Variants in USP6NL observed in about 807,000 individuals in gnomAD.
USP6NL encodes the protein USP6 N-terminal like.
USP6NL carries 26 observed loss-of-function variants against 61.9 expected under a neutral mutation model. The ratio of observed to expected loss-of-function variants is 0.42; its 90% confidence interval spans 0.31 to 0.58. The LOEUF is 0.58. USP6NL is among the 20% of genes least tolerant of loss of function. USP6NL has a pLI of 0.16. For missense variants in USP6NL, 1,114 were observed against 1,034.3 expected (o/e 1.08, Z -1.06); for synonymous variants, 432 against 390.1 (o/e 1.11, Z -1.27).
intron 2 of USP6NL, among the ~76,000 whole-genome samples, chr10:11,581,717 A>G (rs896353289): frequency 2.0e-5 from 3 of 152,254 alleles, no homozygotes; most frequent in African/African-American, 7.2e-5. Flanking sequence ...TTAAGAAATC[A>G]GTTAATAGAC....
In USP6NL at chr10:11,463,684, G is replaced by C. The variant is rs781739850; in HGVS notation, c.1244C>G (p.Ser415Cys). 1 of 1,613,746 alleles carries C rather than the reference G, an allele frequency of 6.2e-7. No individual in the cohort carries two copies. Among genetic ancestry groups the C allele is most frequent in the Admixed American group, 1.7e-5 (1 of 60,020 alleles). The change falls in exon 15 of 15, where the codon TCC becomes TGC. Residue 415 changes from serine to cysteine, a missense_variant. By Grantham distance (112) the Ser-to-Cys change is moderately radical. Transcript: ENST00000609104. This position sits in a 1 kb window ranked among gnomAD's most constrained non-coding sequence, Gnocchi z 6.3. The part of the protein sequence containing the change: ...SGAPHRRHEH[S>C]PHPQSRTGTP... ...CCCGGTCCTGCTCTGGGGGTGCGGGGAGTGCTCGTGCCTCCTGTGGGGCGC... is the reference window on the plus strand; with the variant it reads ...CCCGGTCCTGCTCTGGGGGTGCGGGCAGTGCTCGTGCCTCCTGTGGGGCGC...
At chr10:11,498,228 T>C (rs1281821224) in intron 7 of USP6NL, among the ~76,000 whole-genome samples, 1 of 81,032 alleles carries the variant, frequency 1.2e-5, no homozygotes, top group Non-Finnish European at 2.2e-5. Flanking sequence ...AGAGTGACAC[T>C]CTGTCTCAAA....
chr10:11,573,779 C>T (rs1837443670), intron 2 of USP6NL: 3 of 396,846 alleles, frequency 7.6e-6, no homozygotes, highest in Non-Finnish European at 1.3e-5. Context: ...CAAGCACGAA[C>T]ACAGTTCAAC....
intron 2 of USP6NL, among the ~76,000 whole-genome samples, chr10:11,572,324 A>G (rs1480469212): frequency 6.6e-6 from 1 of 152,076 alleles, no homozygotes; most frequent in African/African-American, 2.4e-5. Flanking sequence ...GTAGTTTTCT[A>G]TTTCAGAAGG....
At position 11,602,497 on chromosome 10, in the gene USP6NL, C is replaced by G. The variant is rs1838570003; in HGVS notation, c.-83-4780G>C. ...GAGCCAGGCAGTGTACTAGGCACCG[C>G]AGACACTGCCAAGAACAAAGCCAAG... is the stretch of plus-strand genomic sequence containing the variant. On this transcript the variant is annotated intron_variant, in intron 1 of 14. Transcript: ENST00000609104. The surrounding 1 kb of genome is among the most constrained non-coding windows in gnomAD (Gnocchi z 4.8). Among the ~76,000 whole-genome samples, 2 of 152,292 alleles carry G rather than the reference C, an allele frequency of 1.3e-5. No homozygotes were observed. Among genetic ancestry groups the G allele is most frequent in the South Asian group, 2.1e-4 (1 of 4,830 alleles).
At chr10:11,577,428 T>G (rs1837592084) in intron 2 of USP6NL, among the ~76,000 whole-genome samples, 1 of 151,808 alleles carries the variant, frequency 6.6e-6, no homozygotes, top group Non-Finnish European at 1.5e-5. Context: ...GAAAACGGAG[T>G]CTCTTAATTG....
chr10:11,514,097 T>C (rs1834849200), intron 5 of USP6NL, among the ~76,000 whole-genome samples: 1 of 152,232 alleles, frequency 6.6e-6, no homozygotes, highest in African/African-American at 2.4e-5. Context: ...ATTTGCCCAA[T>C]TTTTCCATTA....
Position 11,591,004 on chromosome 10 carries a change from G to A in USP6NL, c.4+6627C>T, listed in dbSNP as rs1588417015. Among the ~76,000 whole-genome samples the A allele has an allele frequency of 6.6e-6, 1 of 152,236 alleles. No individual in the cohort carries two copies. The highest frequency in any genetic ancestry group is 1.9e-4 in the East Asian group (1 of 5,188). On this transcript the variant is annotated intron_variant, in intron 2 of 14. Transcript: ENST00000609104. The surrounding 1 kb of genome is among the most constrained non-coding windows in gnomAD (Gnocchi z 4.7). ...TGAAAATTTTCTCACTGACTTAACAGTAAATTTTAAGAGTTAGAAGGCGTC... is the reference window on the plus strand; with the variant it reads ...TGAAAATTTTCTCACTGACTTAACAATAAATTTTAAGAGTTAGAAGGCGTC...
At chr10:11,477,987 G>A (rs749379014) in intron 14 of USP6NL, among the ~76,000 whole-genome samples, 1 of 152,156 alleles carries the variant, frequency 6.6e-6, no homozygotes, top group Non-Finnish European at 1.5e-5. Flanking sequence ...GGAAGAGGAA[G>A]AACTATTATT....
chr10:11,591,448 T>A lies in USP6NL; in HGVS notation c.4+6183A>T, dbSNP rs937260905. Among the ~76,000 whole-genome samples the A allele has an allele frequency of 1.3e-5, 2 of 152,112 alleles. No individual in the cohort carries two copies. The highest frequency in any genetic ancestry group is 2.4e-5 in the African/African-American group (1 of 41,440). ...TGAAGAATAAAAATATAATAGTAGG[T>A]ATATAATTTGAAATTTTAAGATTTA... On this transcript the variant is annotated intron_variant, in intron 2 of 14. Transcript: ENST00000609104. The surrounding 1 kb of genome is among the most constrained non-coding windows in gnomAD (Gnocchi z 4.7).
intron 2 of USP6NL, among the ~76,000 whole-genome samples, chr10:11,550,011 A>G (rs534182306): frequency 1.3e-5 from 2 of 152,256 alleles, no homozygotes; most frequent in Non-Finnish European, 2.9e-5. Flanking sequence ...CAAAGTTGCC[A>G]ACATAATTGA....
chr10:11,592,151 C>T lies in USP6NL; in HGVS notation c.4+5480G>A, dbSNP rs899361160. Among the ~76,000 whole-genome samples the T allele has an allele frequency of 6.6e-6, 1 of 152,148 alleles. No homozygotes were observed. Among genetic ancestry groups the T allele is most frequent in the Non-Finnish European group, 1.5e-5 (1 of 68,038 alleles). On this transcript the variant is annotated intron_variant, in intron 2 of 14. Transcript: ENST00000609104. This position sits in a 1 kb window ranked among gnomAD's most constrained non-coding sequence, Gnocchi z 4.7. ...CCTCCCAAAGTATTGGCATTACAGC[C>T]GTGAGCCACCACACTCGGCCTCAGA...
chr10:11,572,768 A>AT (rs918895045), intron 2 of USP6NL, among the ~76,000 whole-genome samples: 5 of 152,112 alleles, frequency 3.3e-5, no homozygotes, highest in Non-Finnish European at 5.9e-5. Flanking sequence ...AAAGGCTGAT[A>AT]TATCAATTTA....
At chr10:11,475,272 A>C (rs11257116) in intron 14 of USP6NL, among the ~76,000 whole-genome samples, 16,940 of 151,252 alleles carry the variant, frequency 0.11, 1,221 homozygotes, top group East Asian at 0.16. Context: ...TAAGGGAGGA[A>C]AAACTCTTTG....
At position 11,470,246 on chromosome 10, in the gene USP6NL, G is replaced by T. The variant is rs1832679465; in HGVS notation, c.1079-6397C>A. Among the ~76,000 whole-genome samples, 1 of 152,146 alleles carries T rather than the reference G, an allele frequency of 6.6e-6. No homozygotes were observed. The highest frequency in any genetic ancestry group is 6.5e-5 in the Admixed American group (1 of 15,288). ...CATGAGGATGGAGAAGGTGGAGGAT[G>T]GAGGCAGCCGCAGGGAACCTCATGG... On this transcript the variant is annotated intron_variant, in intron 14 of 14. Transcript: ENST00000609104. This position sits in a 1 kb window ranked among gnomAD's most constrained non-coding sequence, Gnocchi z 5.4.
intron 14 of USP6NL, among the ~76,000 whole-genome samples, chr10:11,469,768 G>C (rs1419551020): frequency 6.6e-6 from 1 of 152,212 alleles, no homozygotes; most frequent in Non-Finnish European, 1.5e-5. Flanking sequence ...TCAGACTACA[G>C]GGCTGGGGTT....
At position 11,493,034 on chromosome 10, in the gene USP6NL, C is replaced by G. The variant is rs1285555090; in HGVS notation, c.494+85G>C. On this transcript the variant is annotated intron_variant, in intron 8 of 14. Transcript: ENST00000609104. ...ACCTTTAGGACCTAAATCGAAATTA[C>G]AGTCTATAAAGGCATTCTAATTTTA... 4 of 1,171,418 alleles carry G rather than the reference C, an allele frequency of 3.4e-6. No homozygotes were observed. The East Asian group carries it at 1.0e-4, about 31-fold the overall frequency. The allele number at this position is 1,171,418 out of a possible 1,614,324, so 72.6% of individuals were successfully genotyped here. A position where few individuals can be genotyped will look rare whatever the true frequency, so the allele number is the denominator to read the frequency against.
intron 2 of USP6NL, chr10:11,564,131 C>T (rs1444370106): frequency 2.6e-5 from 4 of 152,152 alleles, no homozygotes; most frequent in Non-Finnish European, 5.9e-5. Flanking sequence ...GACTAAGTAG[C>T]ATAATGACCT....
At chr10:11,566,114 G>A (rs1837141846) in intron 2 of USP6NL, among the ~76,000 whole-genome samples, 1 of 152,170 alleles carries the variant, frequency 6.6e-6, no homozygotes, top group Non-Finnish European at 1.5e-5. Context: ...AAATGAGCTG[G>A]GAAGGGCAGG....
Sources: allele counts gnomAD v4.1 joint callset (sites outside exome capture counted in the v4.1 genomes callset), GRCh38; gene constraint gnomAD v4.1.1; non-coding constraint Gnocchi (gnomAD v3.1); transcripts MANE v1.5; gene names NCBI Gene and HGNC (gene_info 2026-07-23, HGNC 2026-07-21).